Variants in CWH43 observed in about 807,000 individuals in gnomAD.
CWH43 encodes the protein PGAP2-interacting protein.
Under a neutral mutation model 85.7 loss-of-function variants are expected in CWH43, and 91 were observed. That is an observed-to-expected ratio of 1.06 (90% CI 0.90 to 1.26). The LOEUF (loss-of-function observed/expected upper bound fraction) is 1.26, where lower values mean the gene tolerates loss of function less well. Ranked by LOEUF, CWH43 falls within the 50% of genes most tolerant of loss-of-function variation. CWH43 has a pLI of 0.00. For synonymous variants in CWH43, 323 were observed against 293.6 expected (o/e 1.10, Z -1.02); for missense variants, 869 against 839.2 (o/e 1.04, Z -0.44).
rs184075102 is a variant in CWH43 at position 49,024,850 on chromosome 4, T to C, written c.1267-3779T>C. 5.3e-5 allele frequency among the ~76,000 whole-genome samples: 8 copies of C among 152,276 alleles called. No homozygotes were observed. The East Asian group carries it at 1.5e-3, about 29-fold the overall frequency. On this transcript the variant is annotated intron_variant, in intron 9 of 15. Transcript: ENST00000226432. ...TGCCTAGGTAGTGATCTTTTTGCAA[T>C]GTATTTCCCAAGTGTTTTTTGAGCT... is the stretch of plus-strand genomic sequence containing the variant.
intron 7 of CWH43, 115 bp from the exon 8 acceptor site, chr4:49,007,086 C>G: frequency 1.7e-6 from 2 of 1,166,746 alleles, no homozygotes; most frequent in South Asian, 4.5e-5. Context: ...TAAATTAAAT[C>G]AGTACATGAA....
chr4:49,059,636 G>A (rs1785076481), intron 15 of CWH43, among the ~76,000 whole-genome samples: 2 of 152,164 alleles, frequency 1.3e-5, no homozygotes, highest in Non-Finnish European at 2.9e-5. Flanking sequence ...GATTCTCAGT[G>A]GGCTATCTAG....
intron 15 of CWH43, among the ~76,000 whole-genome samples, chr4:49,051,872 C>T (rs984679241): frequency 4.6e-5 from 7 of 152,142 alleles, no homozygotes; most frequent in African/African-American, 1.4e-4. Flanking sequence ...CCACCGTGCC[C>T]GGCCTTGTTT....
At chr4:49,046,522 G>T (rs562485908) in intron 14 of CWH43, among the ~76,000 whole-genome samples, 3 of 152,222 alleles carry the variant, frequency 2.0e-5, no homozygotes, top group Non-Finnish European at 4.4e-5. Context: ...CATGATGAAA[G>T]AAAAATAATA....
At chr4:49,019,038 T>A (rs1182372101) in intron 9 of CWH43, among the ~76,000 whole-genome samples, 1 of 152,232 alleles carries the variant, frequency 6.6e-6, no homozygotes, top group African/African-American at 2.4e-5. Context: ...TAATACCTGT[T>A]CTTTTGGTCA....
chr4:48,991,339 C>A, intron 2 of CWH43, 115 bp from the exon 3 acceptor site: 1 of 1,030,182 alleles, frequency 9.7e-7, no homozygotes, highest in Non-Finnish European at 1.4e-6. Context: ...AATTATACAT[C>A]AACTCTGTCT....
At chr4:48,994,889 C>T in intron 5 of CWH43, 69 bp downstream of exon 5, 2 of 1,245,776 alleles carry the variant, frequency 1.6e-6, no homozygotes, top group Non-Finnish European at 2.4e-6. Context: ...CCTCCTTTGT[C>T]AGACAGCTAG....
At chr4:49,032,109 G>A (rs1784117823) in intron 11 of CWH43, among the ~76,000 whole-genome samples, 1 of 152,216 alleles carries the variant, frequency 6.6e-6, no homozygotes, top group South Asian at 2.1e-4. Flanking sequence ...CAAGGACTGA[G>A]CTCTGTGGCT....
intron 8 of CWH43, among the ~76,000 whole-genome samples, chr4:49,008,809 C>G (rs1783252305): frequency 6.6e-6 from 1 of 152,024 alleles, no homozygotes; most frequent in South Asian, 2.1e-4. Flanking sequence ...ATTTCTGAGG[C>G]CTCTGTTCTG....
chr4:48,995,129 TG>T (rs1250956254), intron 5 of CWH43, among the ~76,000 whole-genome samples: 1 of 152,152 alleles, frequency 6.6e-6, no homozygotes, highest in African/African-American at 2.4e-5. Context: ...GCATTCTCAG[TG>T]GTGGGAGAGG....
At chr4:49,030,774 T>C (rs1262160763) in intron 10 of CWH43, 51 bp from the exon 11 acceptor site, 18 of 1,476,698 alleles carry the variant, frequency 1.2e-5, no homozygotes, top group Non-Finnish European at 1.6e-5. Context: ...CTAATTGTTT[T>C]TTGCCTTGCT....
chr4:49,038,276 G>A (rs750843654), intron 13 of CWH43, 96 bp downstream of exon 13: 13 of 1,068,920 alleles, frequency 1.2e-5, no homozygotes, highest in Non-Finnish European at 1.6e-5. Flanking sequence ...AAAATTTCAT[G>A]TGCAGTCTAT....
At chr4:48,986,610 G>A in intron 1 of CWH43, 138 bp downstream of exon 1, 7 of 1,475,988 alleles carry the variant, frequency 4.7e-6, no homozygotes, top group East Asian at 2.6e-5. Flanking sequence ...GATGCTTATC[G>A]TCCCCTGGGA....
intron 15 of CWH43, among the ~76,000 whole-genome samples, chr4:49,058,841 T>G (rs1303130764): frequency 6.6e-6 from 1 of 152,204 alleles, no homozygotes; most frequent in African/African-American, 2.4e-5. Flanking sequence ...GTCTTATAGG[T>G]GTTCCCTTGA....
chr4:48,996,298 T>TACACACACACACAC (rs36210509), intron 5 of CWH43, among the ~76,000 whole-genome samples: 1 of 149,886 alleles, frequency 6.7e-6, no homozygotes, highest in African/African-American at 2.5e-5. Context: ...TATATATGTG[T>TACACACACACACAC]ACACACACAC....
chr4:49,045,344 G>A (rs1180051386), intron 14 of CWH43, among the ~76,000 whole-genome samples: 3 of 152,082 alleles, frequency 2.0e-5, no homozygotes, highest in Non-Finnish European at 2.9e-5. Context: ...AATATTACCC[G>A]AGTATATCAC....
At chr4:49,027,702 C>T (rs1577686244) in intron 9 of CWH43, among the ~76,000 whole-genome samples, 1 of 152,158 alleles carries the variant, frequency 6.6e-6, no homozygotes, top group East Asian at 1.9e-4. Context: ...AATTCAATTA[C>T]ATTCTTTATT....
At position 48,999,312 on chromosome 4, in the gene CWH43, T is replaced by C. The variant is rs1782918351; in HGVS notation, c.802+764T>C. 2.0e-5 allele frequency among the ~76,000 whole-genome samples: 3 copies of C among 152,224 alleles called. No individual in the cohort carries two copies. The South Asian group carries it at 6.2e-4, about 32-fold the overall frequency. On this transcript the variant is annotated intron_variant, in intron 6 of 15. Transcript: ENST00000226432. ...GGTGTATATTACCACATTTTCTTTA[T>C]CCAGTTTACCATTGATGGGCATTTA...
intron 12 of CWH43, among the ~76,000 whole-genome samples, chr4:49,032,942 A>G (rs1317699194): frequency 1.3e-5 from 2 of 152,152 alleles, no homozygotes; most frequent in East Asian, 1.9e-4. Flanking sequence ...ACTGAGCTGT[A>G]CAGTCAATTC....
Sources: allele counts gnomAD v4.1 joint callset (sites outside exome capture counted in the v4.1 genomes callset), GRCh38; gene constraint gnomAD v4.1.1; transcripts MANE v1.5; gene names NCBI Gene and HGNC (gene_info 2026-07-23, HGNC 2026-07-21).